The following DZIP3 variants were observed in gnomAD, a reference collection of about 807,000 sequenced individuals.
The protein encoded by DZIP3 is E3 ubiquitin-protein ligase DZIP3.
In DZIP3, 118 loss-of-function variants were observed where a neutral mutation model predicts 162.0. The observed-to-expected ratio is 0.73, with a 90% CI of 0.63 to 0.85. The LOEUF (loss-of-function observed/expected upper bound fraction) is 0.85, where lower values mean the gene tolerates loss of function less well. Among genes scored for constraint, DZIP3 ranks in the 40% least tolerant of loss-of-function variants. The pLI is 0.00. For missense variants in DZIP3, 1,331 were observed against 1,407.0 expected (o/e 0.95, Z 0.86); for synonymous variants, 438 against 458.6 (o/e 0.96, Z 0.57).
intron 14 of DZIP3, 130 bp downstream of exon 14, chr3:108,644,911 G>A: frequency 1.2e-6 from 1 of 827,868 alleles, no homozygotes; most frequent in Non-Finnish European, 1.8e-6. Context: ...CATCAGGAAG[G>A]TAATAGAAAT....
chr3:108,616,616 C>G lies in DZIP3; in HGVS notation c.334C>G (p.Leu112Val). 6.2e-7 allele frequency: 1 copy of G among 1,608,160 alleles called. No homozygotes were observed. The highest frequency in any genetic ancestry group is 8.5e-7 in the Non-Finnish European group (1 of 1,177,460). The change falls in exon 5 of 33, where the codon CTA becomes GTA. Residue 112 changes from leucine to valine, a missense_variant. Coordinates refer to ENST00000361582, the MANE Select transcript of DZIP3 (RefSeq NM_014648.4). Reference sequence around the variant, plus strand: ...GACTTTACGTTTCTTGATTACACAGCTAGAAGCAGCACTTAGGAACATTCA... The same window carrying G: ...GACTTTACGTTTCTTGATTACACAGGTAGAAGCAGCACTTAGGAACATTCA... Reference protein sequence around the residue: ...ALTLRFLITQLEAALRNIQAG... With the variant: ...ALTLRFLITQVEAALRNIQAG...
intron 1 of DZIP3, among the ~76,000 whole-genome samples, chr3:108,597,996 A>G (rs769666684): frequency 6.6e-6 from 1 of 152,174 alleles, no homozygotes. Flanking sequence ...AGTACCATGT[A>G]TAGTATCTGA....
chr3:108,684,189 T>G, intron 26 of DZIP3, 27 bp from the exon 27 acceptor site: 1 of 1,590,180 alleles, frequency 6.3e-7, no homozygotes, highest in Non-Finnish European at 8.6e-7. Flanking sequence ...GGGTGTTGTT[T>G]ATTATTGTTT....
At chr3:108,611,356 C>G in intron 4 of DZIP3, 27 bp downstream of exon 4, 6 of 1,609,016 alleles carry the variant, frequency 3.7e-6, no homozygotes, top group Non-Finnish European at 5.1e-6. Context: ...TTATTTGGGG[C>G]AGAAGTGCAG....
intron 1 of DZIP3, among the ~76,000 whole-genome samples, chr3:108,593,495 A>G (rs990707222): frequency 5.3e-5 from 8 of 152,106 alleles, no homozygotes; most frequent in Non-Finnish European, 7.4e-5. Flanking sequence ...AATTTGAATT[A>G]TATGTTACCA....
At chr3:108,637,221 A>C (rs531172453) in intron 11 of DZIP3, among the ~76,000 whole-genome samples, 1 of 151,984 alleles carries the variant, frequency 6.6e-6, no homozygotes, top group South Asian at 2.1e-4. Flanking sequence ...AATGTATCTT[A>C]TTTCTTTATT....
At chr3:108,677,240 T>A (rs1237614969) in intron 25 of DZIP3, among the ~76,000 whole-genome samples, 1 of 151,978 alleles carries the variant, frequency 6.6e-6, no homozygotes, top group Non-Finnish European at 1.5e-5. Flanking sequence ...TGAGGAATTA[T>A]CACAAGAATC....
At chr3:108,663,615 A>G (rs551692807) in intron 21 of DZIP3, among the ~76,000 whole-genome samples, 57 of 152,218 alleles carry the variant, frequency 3.7e-4, no homozygotes, top group South Asian at 1.5e-3. Flanking sequence ...TTTAGCCTAA[A>G]GGGGATGACC....
intron 8 of DZIP3, among the ~76,000 whole-genome samples, chr3:108,632,555 AG>A (rs1389810514): frequency 6.6e-5 from 10 of 152,262 alleles, no homozygotes; most frequent in Admixed American, 5.9e-4. Context: ...AGTGACCTAC[AG>A]GTTGCTTCCA....
At chr3:108,595,921 G>A (rs1939689557) in intron 1 of DZIP3, among the ~76,000 whole-genome samples, 1 of 152,104 alleles carries the variant, frequency 6.6e-6, no homozygotes, top group Non-Finnish European at 1.5e-5. Context: ...TAGGTTCTGG[G>A]AATACAGCAA....
chr3:108,640,714 G>A (rs1044275616), intron 12 of DZIP3, among the ~76,000 whole-genome samples: 15 of 152,020 alleles, frequency 9.9e-5, no homozygotes, highest in Non-Finnish European at 1.2e-4. Flanking sequence ...AAAGTGCTGG[G>A]ATTACAGGCA....
At chr3:108,662,587 A>G (rs73850570) in intron 21 of DZIP3, among the ~76,000 whole-genome samples, 2,215 of 152,310 alleles carry the variant, frequency 0.015, 46 homozygotes, top group African/African-American at 0.051. Context: ...TATATAGTAT[A>G]TGAGTACATT....
Position 108,685,581 on chromosome 3 carries a change from C to T in DZIP3, c.3010-864C>T, listed in dbSNP as rs534503149. Among the ~76,000 whole-genome samples the T allele has an allele frequency of 2.2e-4, 34 of 152,268 alleles. No homozygotes were observed. The South Asian group carries it at 7.0e-3, about 32-fold the overall frequency. ...TAATTAGAATCTTAAGAAGGAACTA[C>T]CATAAAATATGGAGAAAAGTGATGG... On this transcript the variant is annotated intron_variant, in intron 27 of 32. Transcript: ENST00000361582.
chr3:108,648,784 C>A, intron 16 of DZIP3, 134 bp from the exon 17 acceptor site: 1 of 400,328 alleles, frequency 2.5e-6, no homozygotes, highest in Non-Finnish European at 4.2e-6. Flanking sequence ...ATAATTGTTT[C>A]CATAGAATCT....
rs766455983 is a variant in DZIP3 at position 108,636,627 on chromosome 3, G to GA, written c.936dup (p.Cys313MetfsTer9). The GA allele has an allele frequency of 6.4e-7, 1 of 1,554,182 alleles. No homozygotes were observed. The highest frequency in any genetic ancestry group is 8.6e-7 in the Non-Finnish European group (1 of 1,157,908). ...ATTAATAAATTTAGAGTTTTAGTGG[G>GA]AAAAAATGTTTGAAGGAAGGATGTA... On this transcript the variant is annotated frameshift_variant, in exon 11 of 33. Coordinates refer to ENST00000361582, the MANE Select transcript of DZIP3 (RefSeq NM_014648.4). LOFTEE classifies it high-confidence loss of function.
intron 7 of DZIP3, among the ~76,000 whole-genome samples, chr3:108,626,596 A>G (rs1941600675): frequency 1.3e-5 from 2 of 152,208 alleles, no homozygotes; most frequent in African/African-American, 4.8e-5. Context: ...AACCATTTGT[A>G]ACATCATTCA....
chr3:108,589,645 C>T (rs1402047192), upstream of DZIP3: 2 of 320,416 alleles, frequency 6.2e-6, no homozygotes, highest in Admixed American at 1.0e-4. Flanking sequence ...CGCGAGGTTT[C>T]GGCCTGAGAT....
chr3:108,638,422 TCTC>T (rs1169335118), intron 12 of DZIP3, among the ~76,000 whole-genome samples: 3 of 152,090 alleles, frequency 2.0e-5, no homozygotes, highest in African/African-American at 7.2e-5. Flanking sequence ...TTCACACCAT[TCTC>T]CTGCCTCAAC....
chr3:108,676,671 A>C (rs866049421), intron 25 of DZIP3, among the ~76,000 whole-genome samples: 31 of 151,024 alleles, frequency 2.1e-4, no homozygotes, highest in African/African-American at 7.3e-4. Flanking sequence ...TATTTGTCCA[A>C]CTCCCTTGGG....
Sources: allele counts gnomAD v4.1 joint callset (sites outside exome capture counted in the v4.1 genomes callset), GRCh38; gene constraint gnomAD v4.1.1; transcripts MANE v1.5; gene names NCBI Gene and HGNC (gene_info 2026-07-23, HGNC 2026-07-21).